MAP4: variants seen among roughly 807,000 people sequenced by gnomAD.
The protein encoded by MAP4 is microtubule-associated protein 4.
A neutral mutation model predicts 170.2 loss-of-function variants in MAP4; 76 were observed. That is an observed-to-expected ratio of 0.45 (90% CI 0.37 to 0.54). The LOEUF is 0.54. Among genes scored for constraint, MAP4 ranks in the 20% least tolerant of loss-of-function variants. The pLI, the probability that MAP4 is intolerant of heterozygous loss-of-function variation, is 0.00. For missense variants in MAP4, 2,506 were observed against 2,748.0 expected (o/e 0.91, Z 1.97); for synonymous variants, 909 against 994.5 (o/e 0.91, Z 1.62).
chr3:48,056,934 T>G (rs1354252943), intron 1 of MAP4, among the ~76,000 whole-genome samples: 2 of 80,744 alleles, frequency 2.5e-5, no homozygotes, highest in African/African-American at 5.2e-5. Context: ...GGGAGGGAGG[T>G]GGGGGGTTCA....
chr3:47,943,860 C>T (rs923459467), intron 3 of MAP4, among the ~76,000 whole-genome samples: 1 of 151,952 alleles, frequency 6.6e-6, no homozygotes, highest in African/African-American at 2.4e-5. Flanking sequence ...AAGGATGCTA[C>T]CCTGAGACCA....
upstream of MAP4, among the ~76,000 whole-genome samples, chr3:48,017,833 A>G (rs1011686251): frequency 5.3e-5 from 8 of 152,192 alleles, no homozygotes; most frequent in Non-Finnish European, 1.0e-4. Flanking sequence ...AGTCTGATCT[A>G]TACTGTAGTT....
At chr3:47,990,192 T>C (rs2100091289) in intron 2 of MAP4, among the ~76,000 whole-genome samples, 1 of 152,234 alleles carries the variant, frequency 6.6e-6, no homozygotes, top group Non-Finnish European at 1.5e-5. Context: ...AATACCAGTG[T>C]ATTAAGGAGA....
chr3:48,040,140 T>C (rs1189955305), intron 1 of MAP4, among the ~76,000 whole-genome samples: 2 of 152,180 alleles, frequency 1.3e-5, no homozygotes, highest in Non-Finnish European at 2.9e-5. Context: ...GACCCCAAAG[T>C]GCTTAAAAGC....
intron 10 of MAP4, chr3:47,892,012 C>T (rs1357114276): frequency 6.5e-7 from 1 of 1,536,362 alleles, no homozygotes; most frequent in East Asian, 2.4e-5. Context: ...CCAGATCTGA[C>T]TGGCTCTTGG....
chr3:47,886,972 A>G (rs902548181), intron 10 of MAP4, among the ~76,000 whole-genome samples: 3 of 152,232 alleles, frequency 2.0e-5, no homozygotes, highest in Non-Finnish European at 4.4e-5. Context: ...GCTGACCTGG[A>G]GCTACTTTAT....
intron 10 of MAP4, among the ~76,000 whole-genome samples, chr3:47,888,929 C>T (rs1162193098): frequency 6.6e-6 from 1 of 152,088 alleles, no homozygotes; most frequent in African/African-American, 2.4e-5. Context: ...GTTGACTGGA[C>T]CAAGCTGAGC....
intron 1 of MAP4, among the ~76,000 whole-genome samples, chr3:48,011,549 T>C (rs2100105248): frequency 6.8e-6 from 1 of 146,390 alleles, no homozygotes; most frequent in African/African-American, 2.5e-5. Context: ...CAAGACTCCG[T>C]CTCAAAAAAA....
chr3:48,084,858 G>A (rs1282300509), intron 1 of MAP4, among the ~76,000 whole-genome samples: 1 of 151,478 alleles, frequency 6.6e-6, no homozygotes, highest in African/African-American at 2.4e-5. Flanking sequence ...ATCCAGGCTG[G>A]TATCAAACTT....
chr3:47,897,367 T>C (rs1206644786), intron 10 of MAP4, among the ~76,000 whole-genome samples: 2 of 152,160 alleles, frequency 1.3e-5, no homozygotes, highest in Non-Finnish European at 2.9e-5. Flanking sequence ...CCTCAGGTGA[T>C]CTGCCCAACT....
intron 1 of MAP4, among the ~76,000 whole-genome samples, chr3:48,011,027 T>A (rs1020915953): frequency 1.3e-5 from 2 of 152,156 alleles, no homozygotes; most frequent in African/African-American, 4.8e-5. Flanking sequence ...TCTAAGAGAA[T>A]CCTGACTAAA....
intron 1 of MAP4, among the ~76,000 whole-genome samples, chr3:48,061,919 G>T (rs1162797683): frequency 6.7e-6 from 1 of 149,156 alleles, no homozygotes; most frequent in African/African-American, 2.5e-5. Flanking sequence ...CGTCCGGGAG[G>T]TGGGGGGCAC....
chr3:47,976,916 C>T (rs187266704), intron 3 of MAP4, among the ~76,000 whole-genome samples: 1 of 152,322 alleles, frequency 6.6e-6, no homozygotes, highest in Admixed American at 6.5e-5. Context: ...TAACAGAAGG[C>T]TTTCTGGAAG....
At chr3:48,071,501 A>G (rs1000564204) in intron 1 of MAP4, among the ~76,000 whole-genome samples, 2 of 152,180 alleles carry the variant, frequency 1.3e-5, no homozygotes, top group Non-Finnish European at 2.9e-5. Context: ...ATGAGCCATG[A>G]TGCCAAACCA....
chr3:48,057,718 TATTTTTCA>T (rs1158469346), intron 1 of MAP4, among the ~76,000 whole-genome samples: 3 of 151,766 alleles, frequency 2.0e-5, no homozygotes, highest in Admixed American at 2.0e-4. Flanking sequence ...ACTGCCGAAC[TATTTTTCA>T]GAGTGGCTGT....
At chr3:47,963,835 C>T (rs1420582872) in intron 3 of MAP4, among the ~76,000 whole-genome samples, 3 of 151,844 alleles carry the variant, frequency 2.0e-5, no homozygotes, top group East Asian at 1.9e-4. Context: ...ACAAAAGCCA[C>T]GAAGAAAATT....
rs576500234 is a variant in MAP4 at position 48,025,506 on chromosome 3, C to T, written c.-19-26627G>A. 2.5e-4 allele frequency among the ~76,000 whole-genome samples: 38 copies of T among 151,986 alleles called. 1 individual carries two copies. The South Asian group carries it at 7.9e-3, about 32-fold the overall frequency. The stretch of plus-strand genomic sequence containing the variant: ...TTTTCACCACACCGGGCAGGCTGAT[C>T]TCCAACTCCTGACCTCAGGTGATCT... On this transcript the variant is annotated intron_variant, in intron 1 of 18. Coordinates refer to the MAP4 transcript ENST00000360240.
chr3:47,951,433 T>G (rs1206641537), intron 3 of MAP4, among the ~76,000 whole-genome samples: 2 of 152,172 alleles, frequency 1.3e-5, no homozygotes, highest in African/African-American at 2.4e-5. Flanking sequence ...CCATCTCGGC[T>G]CACTGCAACC....
At position 47,917,150 on chromosome 3, in the gene MAP4, A is replaced by T; in HGVS notation, c.677T>A (p.Ile226Lys). ...TAVPLELAKE[I>K]EMASEERPPA... The stretch of plus-strand genomic sequence containing the variant: ...TGGCCTCTCTTCTGATGCCATTTCT[A>T]TCTCCTTGGCTAGCTCTAAGGGAAC... The change falls in exon 7 of 21, where the codon ATA (isoleucine) becomes AAA (lysine). Residue 226 changes from isoleucine (I) to lysine (K), a missense_variant. Ile to Lys is a moderately radical substitution (Grantham distance 102, BLOSUM62 -3). Coordinates refer to ENST00000683076, the MANE Select transcript of MAP4 (RefSeq NM_001385682.1). 1 of 1,613,912 alleles carries T rather than the reference A, an allele frequency of 6.2e-7. No homozygotes were observed. The highest frequency in any genetic ancestry group is 8.5e-7 in the Non-Finnish European group (1 of 1,179,900).
Sources: allele counts gnomAD v4.1 joint callset (sites outside exome capture counted in the v4.1 genomes callset), GRCh38; gene constraint gnomAD v4.1.1; transcripts MANE v1.5; gene names NCBI Gene and HGNC (gene_info 2026-07-23, HGNC 2026-07-21).